THSD7B: variants seen among roughly 807,000 people sequenced by gnomAD.
THSD7B encodes thrombospondin type 1 domain containing 7B.
In THSD7B, 138 loss-of-function variants were observed where a neutral mutation model predicts 213.6. The ratio of observed to expected loss-of-function variants is 0.65; its 90% CI spans 0.56 to 0.74. The LOEUF is 0.74. Among genes scored for constraint, THSD7B ranks in the 30% least tolerant of loss-of-function variants. The pLI is 0.00. For synonymous variants in THSD7B, 742 were observed against 687.0 expected, an observed-to-expected ratio of 1.08 and a Z score of -1.25; for missense variants, 1,931 against 1,991.5, an observed-to-expected ratio of 0.97 and a Z score of 0.58.
At chr2:136,822,107 C>T (rs1433077120) in intron 1 of THSD7B, among the ~76,000 whole-genome samples, 2 of 152,106 alleles carry the variant, frequency 1.3e-5, no homozygotes, top group East Asian at 1.9e-4. Context: ...CATAATTGTA[C>T]GATGACTTGG....
intron 1 of THSD7B, among the ~76,000 whole-genome samples, chr2:136,823,358 C>G (rs2104939683): frequency 6.6e-6 from 1 of 152,274 alleles, no homozygotes; most frequent in Admixed American, 6.5e-5. Flanking sequence ...ATTTTGTTTT[C>G]TCTTGTGACA....
intron 15 of THSD7B, among the ~76,000 whole-genome samples, chr2:137,520,680 C>G (rs1467336221): frequency 1.3e-5 from 2 of 152,186 alleles, no homozygotes; most frequent in African/African-American, 4.8e-5. Context: ...TTTATCAGTC[C>G]ATTCACTTGC....
chr2:137,550,416 C>T (rs1026342779), intron 15 of THSD7B, among the ~76,000 whole-genome samples: 8 of 152,010 alleles, frequency 5.3e-5, no homozygotes, highest in East Asian at 3.9e-4. Context: ...ACTTAAACCA[C>T]GCACAATCAG....
At chr2:137,588,772 AT>A (rs1681800226) in intron 17 of THSD7B, among the ~76,000 whole-genome samples, 1 of 149,986 alleles carries the variant, frequency 6.7e-6, no homozygotes, top group Non-Finnish European at 1.5e-5. Flanking sequence ...TTATTTATTT[AT>A]TTATTTATTT....
chr2:137,386,535 C>A (rs1685897286), intron 12 of THSD7B, among the ~76,000 whole-genome samples: 1 of 152,132 alleles, frequency 6.6e-6, no homozygotes, highest in African/African-American at 2.4e-5. Context: ...GAAATAAATT[C>A]TATCCTTTTT....
At chr2:137,612,580 A>G (rs352191) in intron 17 of THSD7B, among the ~76,000 whole-genome samples, 74,624 of 152,026 alleles carry the variant, frequency 0.49, 19,692 homozygotes, top group African/African-American at 0.69. Flanking sequence ...AAAGAAAATA[A>G]ATTTTAATAA....
chr2:136,821,550 G>A (rs1052678729), intron 1 of THSD7B, among the ~76,000 whole-genome samples: 2 of 152,172 alleles, frequency 1.3e-5, no homozygotes, highest in Admixed American at 1.3e-4. Context: ...TGATGGTGTG[G>A]AGAAAAAGTC....
chr2:136,929,219 A>G (rs1292421841), intron 2 of THSD7B, among the ~76,000 whole-genome samples: 1 of 152,234 alleles, frequency 6.6e-6, no homozygotes, highest in Non-Finnish European at 1.5e-5. Flanking sequence ...TGCCAAAAAT[A>G]GTGCACCATC....
chr2:137,417,216 A>G (rs1298499924), intron 14 of THSD7B, among the ~76,000 whole-genome samples: 1 of 152,206 alleles, frequency 6.6e-6, no homozygotes, highest in Non-Finnish European at 1.5e-5. Flanking sequence ...TGGAAAAGTG[A>G]ATTTAATATT....
intron 12 of THSD7B, among the ~76,000 whole-genome samples, chr2:137,348,924 C>CTTTT (rs2104918306): frequency 2.0e-5 from 3 of 151,446 alleles, no homozygotes; most frequent in African/African-American, 7.2e-5. Context: ...GGTTCAAAAA[C>CTTTT]TGATACTCTA....
intron 5 of THSD7B, among the ~76,000 whole-genome samples, chr2:137,122,321 G>A (rs7595885): frequency 0.023 from 3,529 of 152,200 alleles, 149 homozygotes; most frequent in African/African-American, 0.08. Flanking sequence ...AGAGAAAATA[G>A]GAATTTTAGG....
At chr2:137,150,056 A>G (rs1679784988) in intron 5 of THSD7B, among the ~76,000 whole-genome samples, 1 of 152,124 alleles carries the variant, frequency 6.6e-6, no homozygotes. Flanking sequence ...AGCCTGACCA[A>G]CATGGAGAAA....
At position 137,447,085 on chromosome 2, in the gene THSD7B, C is replaced by T. The variant is rs972023220; in HGVS notation, c.2960-3760C>T. Among the ~76,000 whole-genome samples the T allele has an allele frequency of 2.0e-5, 3 of 152,004 alleles. No individual in the cohort carries two copies. The East Asian group carries it at 5.8e-4, about 29-fold the overall frequency. ...TATACTCTGGCATGAAAATAATTTT[C>T]CTGAAAAATAAATGTCACTGTTGCT... On this transcript the variant is annotated intron_variant, in intron 14 of 27. Transcript: ENST00000409968.
chr2:137,535,598 A>T (rs1178413481), intron 15 of THSD7B, among the ~76,000 whole-genome samples: 1 of 151,822 alleles, frequency 6.6e-6, no homozygotes, highest in Non-Finnish European at 1.5e-5. Flanking sequence ...TCATGGAACA[A>T]ACATTTATTT....
chr2:137,656,893 A>G lies in THSD7B; in HGVS notation c.4203A>G (p.Ser1401=), dbSNP rs1207455726. The change falls in exon 23 of 28, where the codon TCA becomes TCG. Residue 1401 remains serine (S), a synonymous_variant. Transcript: ENST00000409968. ...AGACTGTGGGCCGCCAGTCTAGATC[A>G]AGGACTTTTATAATTCAGTCTTTTG... is the stretch of plus-strand genomic sequence containing the variant. The part of the protein sequence containing the change: ...SFETVGRQSR[S]RTFIIQSFEN... 6.2e-7 allele frequency: 1 copy of G among 1,614,046 alleles called. No homozygotes were observed. Among genetic ancestry groups the G allele is most frequent in the East Asian group, 2.2e-5 (1 of 44,886 alleles).
chr2:136,974,711 A>G (rs193048374), intron 2 of THSD7B, among the ~76,000 whole-genome samples: 8 of 152,248 alleles, frequency 5.3e-5, no homozygotes, highest in Admixed American at 5.2e-4. Context: ...TCAGTTTTAT[A>G]CCCAGTAATG....
In THSD7B at chr2:137,264,811, TA is replaced by T. The variant is rs761269965; in HGVS notation, c.2267-7719del. Among the ~76,000 whole-genome samples the T allele has an allele frequency of 1.4e-4, 21 of 151,414 alleles. No homozygotes were observed. The South Asian group carries it at 2.1e-3, about 15-fold the overall frequency. On this transcript the variant is annotated intron_variant, in intron 10 of 27. Transcript: ENST00000409968. ...CGCAAAAGAGCCTTCTTTTTTTTTTTAAATTTTTTTTATTTTTTATTTATTA... is the reference window on the plus strand; with the variant it reads ...CGCAAAAGAGCCTTCTTTTTTTTTTTAATTTTTTTTATTTTTTATTTATTA...
chr2:137,576,065 A>G (rs1156848983), intron 17 of THSD7B, among the ~76,000 whole-genome samples: 1 of 152,056 alleles, frequency 6.6e-6, no homozygotes, highest in Non-Finnish European at 1.5e-5. Context: ...TCTGGATGCA[A>G]ATATCTTGGA....
At chr2:137,000,514 G>A (rs928033419) in intron 2 of THSD7B, among the ~76,000 whole-genome samples, 5 of 152,022 alleles carry the variant, frequency 3.3e-5, no homozygotes, top group Admixed American at 6.6e-5. Context: ...TACATTCTTA[G>A]TGTACTCATG....
Sources: gnomAD v4.1 joint callset for allele counts (sites outside exome capture counted in the v4.1 genomes callset) on GRCh38, gnomAD v4.1.1 for gene constraint, MANE v1.5 for transcripts, NCBI Gene and HGNC (gene_info 2026-07-23, HGNC 2026-07-21) for gene names.